Variants in ERCC6 observed in about 807,000 individuals in gnomAD.
The protein encoded by ERCC6 is DNA excision repair protein ERCC-6.
A neutral mutation model predicts 158.7 loss-of-function variants in ERCC6; 116 were observed. The observed-to-expected ratio is 0.73, with a 90% CI of 0.63 to 0.85. ERCC6 has a LOEUF of 0.85. ERCC6 is among the 40% of genes least tolerant of loss of function. The pLI is 0.00. For missense variants in ERCC6, 1,698 were observed against 1,799.4 expected (o/e 0.94, Z 1.02); for synonymous variants, 678 against 659.3 (o/e 1.03, Z -0.43).
At position 49,524,131 on chromosome 10, in the gene ERCC6, T is replaced by C; in HGVS notation, c.1299A>G (p.Glu433=). 6.2e-7 allele frequency: 1 copy of C among 1,614,132 alleles called. No individual in the cohort carries two copies. The highest frequency in any genetic ancestry group is 1.1e-5 in the South Asian group (1 of 91,076). ...CTTCTCCTACAGAAGCAGCTTCAGC[T>C]TCTTCCCCAGAACTTGGGAAAAAGT... is the stretch of plus-strand genomic sequence containing the variant. ...DDDFFPSSGE[E]AEAASVGEGG... is the part of the protein sequence containing the mutation. The change falls in exon 5 of 21, where the codon GAA becomes GAG. Residue 433 remains glutamate (E), a synonymous_variant. Transcript: ENST00000355832.
rs147621129 is a variant in ERCC6, at chr10:49,521,629, T to C, written c.1397+2404A>G. On this transcript the variant is annotated intron_variant, in intron 5 of 20. Transcript: ENST00000355832. ...TCTAAGCAGTGGCTCATCCATCCTG[T>C]ATGACATGAAAGGGTATGAAAACCA... Among the ~76,000 whole-genome samples, 50 of 152,270 alleles carry C rather than the reference T, an allele frequency of 3.3e-4. No homozygotes were observed. In the East Asian group the frequency reaches 4.1e-3, roughly 12 times the overall value.
intron 18 of ERCC6, among the ~76,000 whole-genome samples, chr10:49,467,665 G>A (rs540904791): frequency 1.6e-4 from 24 of 151,920 alleles, no homozygotes; most frequent in East Asian, 5.8e-4. Flanking sequence ...TCCCAGGCTC[G>A]AGCAATCCTC....
At chr10:49,439,017 G>T in the ERCC6 span, among the ~76,000 whole-genome samples, 1 of 152,150 alleles carries the variant, frequency 6.6e-6, no homozygotes, top group African/African-American at 2.4e-5. Flanking sequence ...TGCTTTCATG[G>T]GCTGCCATTG....
At chr10:49,503,106 G>C (rs1564431170) in intron 6 of ERCC6, 1 of 152,130 alleles carries the variant, frequency 6.6e-6, no homozygotes, top group East Asian at 1.9e-4. Flanking sequence ...ACACCACACT[G>C]CCTCCATCCT....
rs55801003 is a variant in ERCC6 at position 49,526,117 on chromosome 10, TTATA to T, written c.653-1344_653-1341del. On this transcript the variant is annotated intron_variant, in intron 4 of 20. Transcript: ENST00000355832. Reference sequence around the variant, plus strand: ...TATATATTTATATATTTATATATTTTTATATATATATATATATATATATATATAT... The same window carrying T: ...TATATATTTATATATTTATATATTTTTATATATATATATATATATATATAT... 2.4e-3 allele frequency among the ~76,000 whole-genome samples: 106 copies of T among 43,582 alleles called. 1 individual carries two copies. Among genetic ancestry groups the T allele is most frequent in the African/African-American group, 6.1e-3 (71 of 11,578 alleles). The allele number at this position is 43,582 out of a possible 152,430, so 28.6% of individuals were successfully genotyped here.
the ERCC6 span, among the ~76,000 whole-genome samples, chr10:49,435,635 TA>T: frequency 6.6e-6 from 1 of 152,072 alleles, no homozygotes; most frequent in African/African-American, 2.4e-5. Context: ...GCATAGCATA[TA>T]AAAAATATAG....
rs1189056021 is a variant in ERCC6, at chr10:49,470,874, A to G, written c.3086T>C (p.Val1029Ala). 1 of 1,613,902 alleles carries G rather than the reference A, an allele frequency of 6.2e-7. No homozygotes were observed. Residue 1029 changes from valine to alanine, a missense_variant, in exon 18 of 21, where the codon GTT becomes GCT. Val to Ala is a moderately conservative substitution (Grantham distance 64). Transcript: ENST00000355832. ...SAIFAGTGSDVQTPKCHLKRR... is the reference protein window; with the variant it reads ...SAIFAGTGSDAQTPKCHLKRR... The stretch of plus-strand genomic sequence containing the variant: ...TTTTAGATGGCATTTGGGTGTCTGA[A>G]CATCTGATCCAGTTCCTGTAAAGAG...
At chr10:49,481,525 G>A (rs1850979772) in intron 10 of ERCC6, among the ~76,000 whole-genome samples, 1 of 152,054 alleles carries the variant, frequency 6.6e-6, no homozygotes, top group Admixed American at 6.5e-5. Context: ...TTCCCTTTTG[G>A]TGGAAGGTCT....
chr10:49,437,332 C>A, the ERCC6 span, among the ~76,000 whole-genome samples: 2,221 of 152,186 alleles, frequency 0.015, 48 homozygotes, highest in African/African-American at 0.049. Flanking sequence ...CAGCTACATG[C>A]AATAATGTGG....
chr10:49,528,995 C>T (rs1035524754), intron 3 of ERCC6, among the ~76,000 whole-genome samples: 4 of 152,166 alleles, frequency 2.6e-5, no homozygotes, highest in Admixed American at 1.3e-4. Context: ...TGATAACCTA[C>T]TATATTTATG....
At chr10:49,449,560 C>CTTTTTTTTTTTTTTT (rs71026248), downstream of ERCC6, among the ~76,000 whole-genome samples, 4 of 68,024 alleles carry the variant, frequency 5.9e-5, 1 homozygote, top group African/African-American at 2.5e-4. Flanking sequence ...ATAGTTAGGT[C>CTTTTTTTTTTTTTTT]TTTTTTTTTT....
Position 49,533,012 on chromosome 10 carries a change from A to G in ERCC6, c.-14-34T>C, listed in dbSNP as rs1259443277. Reference sequence around the variant, plus strand: ...AAAAAAATTTATAAGCCTTTTCGTTATATAGGATTCATTGTAGTTCTTAAA... The same window carrying G: ...AAAAAAATTTATAAGCCTTTTCGTTGTATAGGATTCATTGTAGTTCTTAAA... On this transcript the variant is annotated intron_variant, in intron 1 of 20. Coordinates refer to ENST00000355832, the MANE Select transcript of ERCC6 (RefSeq NM_000124.4). 4 of 1,606,874 alleles carry G rather than the reference A, an allele frequency of 2.5e-6. No homozygotes were observed. The South Asian group carries it at 4.4e-5, about 18-fold the overall frequency.
intron 7 of ERCC6, among the ~76,000 whole-genome samples, chr10:49,498,425 T>C (rs773184770): frequency 6.6e-6 from 1 of 152,234 alleles, no homozygotes; most frequent in Non-Finnish European, 1.5e-5. Context: ...CCCAAGTTCA[T>C]CTGGTTCCAG....
downstream of ERCC6, among the ~76,000 whole-genome samples, chr10:49,452,987 T>TA (rs1850437708): frequency 6.6e-6 from 1 of 152,126 alleles, no homozygotes; most frequent in African/African-American, 2.4e-5. Flanking sequence ...ATAGATAACA[T>TA]AGAGTTGGAA....
At chr10:49,480,967 A>G (rs1426950517) in intron 10 of ERCC6, among the ~76,000 whole-genome samples, 2 of 152,234 alleles carry the variant, frequency 1.3e-5, no homozygotes, top group Non-Finnish European at 2.9e-5. Context: ...CTGACAAAAT[A>G]TGAGTGATTA....
chr10:49,517,428 C>A (rs1362487394), intron 5 of ERCC6, among the ~76,000 whole-genome samples: 3 of 152,098 alleles, frequency 2.0e-5, no homozygotes, highest in Non-Finnish European at 4.4e-5. Context: ...CTCTGTGCAC[C>A]AAGTGATAAC....
chr10:49,470,510 C>G lies in ERCC6; in HGVS notation c.3450G>C (p.Lys1150Asn). 2 of 1,614,192 alleles carry G rather than the reference C, an allele frequency of 1.2e-6. No homozygotes were observed. Among genetic ancestry groups the G allele is most frequent in the Non-Finnish European group, 1.7e-6 (2 of 1,180,030 alleles). The change falls in exon 18 of 21, where the codon AAG becomes AAC. Residue 1150 changes from lysine to asparagine, a missense_variant. Coordinates refer to ENST00000355832, the MANE Select transcript of ERCC6 (RefSeq NM_000124.4). Reference sequence around the variant, plus strand: ...TTTCTCTTTTGTAAGAAAGACCTAACTTTTCATCAATGCTTTCATCACCAG... The same window carrying G: ...TTTCTCTTTTGTAAGAAAGACCTAAGTTTTCATCAATGCTTTCATCACCAG... ...MPSGDESIDE[K>N]LGLSYKRERP...
chr10:49,465,882 C>T (rs973523810), intron 18 of ERCC6, among the ~76,000 whole-genome samples: 1 of 151,074 alleles, frequency 6.6e-6, no homozygotes, highest in African/African-American at 2.4e-5. Flanking sequence ...AGTGTGAAAA[C>T]AGACTAACAC....
At chr10:49,487,988 T>C (rs1290874786) in intron 8 of ERCC6, among the ~76,000 whole-genome samples, 1 of 152,240 alleles carries the variant, frequency 6.6e-6, no homozygotes, top group East Asian at 1.9e-4. Flanking sequence ...ATTCTATAGC[T>C]GCCTAGACTG....
Sources: allele counts gnomAD v4.1 joint callset (sites outside exome capture counted in the v4.1 genomes callset), GRCh38; gene constraint gnomAD v4.1.1; transcripts MANE v1.5; gene names NCBI Gene and HGNC (gene_info 2026-07-23, HGNC 2026-07-21).